Variants in ST8SIA6 observed in about 807,000 individuals in gnomAD.
ST8SIA6 encodes ST8 alpha-N-acetyl-neuraminide alpha-2,8-sialyltransferase 6.
A neutral mutation model predicts 33.6 loss-of-function variants in ST8SIA6; 39 were observed. The ratio of observed to expected loss-of-function variants is 1.16; its 90% CI spans 0.90 to 1.52. The LOEUF (loss-of-function observed/expected upper bound fraction) is 1.52, where lower values mean the gene tolerates loss of function less well. ST8SIA6 is among the 40% of genes most tolerant of loss of function. The probability of loss-of-function intolerance (pLI) is 0.00; values close to 1 mark genes in which losing one functional copy is unlikely to be tolerated. For synonymous variants in ST8SIA6, 172 were observed against 167.2 expected, an observed-to-expected ratio of 1.03 and a Z score of -0.22; for missense variants, 441 against 443.8, an observed-to-expected ratio of 0.99 and a Z score of 0.06.
At chr10:17,451,618 C>A (rs1852913605) in intron 2 of ST8SIA6, among the ~76,000 whole-genome samples, 1 of 152,136 alleles carries the variant, frequency 6.6e-6, no homozygotes, top group East Asian at 1.9e-4. Flanking sequence ...CAGTGTCTGG[C>A]CCATAAGAAG....
At chr10:17,438,454 T>C (rs977526421) in intron 2 of ST8SIA6, among the ~76,000 whole-genome samples, 2 of 151,990 alleles carry the variant, frequency 1.3e-5, no homozygotes, top group African/African-American at 4.8e-5. Flanking sequence ...TCAAAGAGTC[T>C]GTTTTTCTGA....
Position 17,321,323 on chromosome 10 carries a change from T to G in ST8SIA6, c.752A>C (p.Lys251Thr). 1 of 1,601,494 alleles carries G rather than the reference T, an allele frequency of 6.2e-7. No homozygotes were observed. The highest frequency in any genetic ancestry group is 1.7e-4 in the Middle Eastern group (1 of 5,972). ...TLKYGNLKEK[K>T]ALFLEDIATY... Reference sequence around the variant, plus strand: ...TGCAATGTCCTCCAGAAATAGGGCTTTTTTTTCCTTTAAGTTCCCATATCT... The same window carrying G: ...TGCAATGTCCTCCAGAAATAGGGCTGTTTTTTCCTTTAAGTTCCCATATCT... The change falls in exon 8 of 8, where the codon AAA becomes ACA. Residue 251 changes from lysine to threonine, a missense_variant. By Grantham distance (78) the Lys-to-Thr change is moderately conservative. Transcript: ENST00000377602.
Position 17,398,611 on chromosome 10 carries a change from T to A in ST8SIA6, c.201-7991A>T, listed in dbSNP as rs530935251. Among the ~76,000 whole-genome samples, 4 of 152,332 alleles carry A rather than the reference T, an allele frequency of 2.6e-5. No individual in the cohort carries two copies. In the East Asian group the frequency reaches 7.7e-4, roughly 29 times the overall value. ...CTATTTACAATGACTATACAGGGGC[T>A]AAAACTGGATTGTGAATTTAAATGT... On this transcript the variant is annotated intron_variant, in intron 2 of 7. Transcript: ENST00000377602.
chr10:17,357,981 C>T (rs541104355), intron 4 of ST8SIA6, among the ~76,000 whole-genome samples: 3 of 152,312 alleles, frequency 2.0e-5, no homozygotes, highest in African/African-American at 7.2e-5. Context: ...AATTTTCAAT[C>T]TCATCTTCCT....
intron 4 of ST8SIA6, among the ~76,000 whole-genome samples, chr10:17,347,718 G>A (rs907193528): frequency 6.6e-6 from 1 of 152,036 alleles, no homozygotes; most frequent in African/African-American, 2.4e-5. Flanking sequence ...GGTGGATCAC[G>A]AGGTCACGAG....
At position 17,320,833 on chromosome 10, in the gene ST8SIA6, C is replaced by T. The variant is rs746481107; in HGVS notation, c.*45G>A. On this transcript the variant is annotated 3_prime_UTR_variant, in exon 8 of 8. Coordinates refer to ENST00000377602, the MANE Select transcript of ST8SIA6 (RefSeq NM_001004470.3). ...TGGTGTTTGGAGACATTGTTAATCA[C>T]CTACTGCATTATATTAAAATTATTC... The T allele has an allele frequency of 6.3e-7, 1 of 1,580,524 alleles. No individual in the cohort carries two copies. Among genetic ancestry groups the T allele is most frequent in the Non-Finnish European group, 8.7e-7 (1 of 1,153,880 alleles).
chr10:17,327,003 TCAGGTCTTACCTAAAAACG>T lies in ST8SIA6; in HGVS notation c.627_635+10del, dbSNP rs1564401008. ...CTATTGTTTCAAAGAAACCAATTTG[TCAGGTCTTACCTAAAAACG>T]AAGTCGGATTTATCTATTTCAGTTC... On this transcript the variant is annotated splice_donor_variant and splice_donor_5th_base_variant and coding_sequence_variant and intron_variant, in exon 6 of 8. Transcript: ENST00000377602. LOFTEE classifies it high-confidence loss of function. 2 of 1,575,006 alleles carry T rather than the reference TCAGGTCTTACCTAAAAACG, an allele frequency of 1.3e-6. No homozygotes were observed. The highest frequency in any genetic ancestry group is 1.7e-6 in the Non-Finnish European group (2 of 1,158,586).
intron 2 of ST8SIA6, among the ~76,000 whole-genome samples, chr10:17,419,723 A>G (rs1364077624): frequency 6.6e-6 from 1 of 152,164 alleles, no homozygotes; most frequent in African/African-American, 2.4e-5. Context: ...TGCTCCAAAC[A>G]GTGAGCATCA....
chr10:17,326,887 G>A (rs533812821), intron 6 of ST8SIA6, 127 bp downstream of exon 6: 14 of 593,420 alleles, frequency 2.4e-5, no homozygotes, highest in South Asian at 1.4e-4. Context: ...AAACCTTCCC[G>A]GGTAATTTGT....
At chr10:17,378,795 G>A (rs1850006727) in intron 3 of ST8SIA6, among the ~76,000 whole-genome samples, 1 of 152,066 alleles carries the variant, frequency 6.6e-6, no homozygotes, top group Admixed American at 6.6e-5. Flanking sequence ...CAGGAATGAT[G>A]GCCTGCTCCA....
At chr10:17,425,617 GGAA>G (rs1851909236) in intron 2 of ST8SIA6, among the ~76,000 whole-genome samples, 1 of 136,360 alleles carries the variant, frequency 7.3e-6, no homozygotes, top group Non-Finnish European at 1.5e-5. Context: ...GAAAGAGAAA[GGAA>G]GAAAGAAAGA....
At chr10:17,432,331 T>A (rs898262824) in intron 2 of ST8SIA6, among the ~76,000 whole-genome samples, 1 of 152,164 alleles carries the variant, frequency 6.6e-6, no homozygotes, top group Non-Finnish European at 1.5e-5. Context: ...CTTAGTGTGC[T>A]GTTTTGAGAA....
Position 17,324,170 on chromosome 10 carries a change from C to G in ST8SIA6, c.636-1013G>C, listed in dbSNP as rs181676913. Among the ~76,000 whole-genome samples, 8 of 152,168 alleles carry G rather than the reference C, an allele frequency of 5.3e-5. No homozygotes were observed. The East Asian group carries it at 1.5e-3, about 29-fold the overall frequency. ...TTTCTAAATATCATTTACTGAATTTCAAGTAGTAAGGCTAAACATAAGAAG... is the reference window on the plus strand; with the variant it reads ...TTTCTAAATATCATTTACTGAATTTGAAGTAGTAAGGCTAAACATAAGAAG... On this transcript the variant is annotated intron_variant, in intron 6 of 7. Coordinates refer to ENST00000377602, the MANE Select transcript of ST8SIA6 (RefSeq NM_001004470.3).
At chr10:17,376,114 A>G (rs559437136) in intron 3 of ST8SIA6, among the ~76,000 whole-genome samples, 1 of 152,162 alleles carries the variant, frequency 6.6e-6, no homozygotes, top group Non-Finnish European at 1.5e-5. Context: ...ACATGTCTCT[A>G]ACATCTAGAA....
At chr10:17,372,788 A>G (rs1282044161) in intron 3 of ST8SIA6, among the ~76,000 whole-genome samples, 1 of 152,256 alleles carries the variant, frequency 6.6e-6, no homozygotes, top group Non-Finnish European at 1.5e-5. Context: ...ATTATTGCAC[A>G]GAACTCACAA....
chr10:17,432,927 C>G lies in ST8SIA6; in HGVS notation c.200+20632G>C, dbSNP rs1273261718. ...GTAACCAACCCAGCTGTTTCTGTAC[C>G]TCACTGCCAATTTCTATGTGTCACT... On this transcript the variant is annotated intron_variant, in intron 2 of 7. Coordinates refer to ENST00000377602, the MANE Select transcript of ST8SIA6 (RefSeq NM_001004470.3). 2.6e-5 allele frequency among the ~76,000 whole-genome samples: 4 copies of G among 152,184 alleles called. No individual in the cohort carries two copies. In the East Asian group the frequency reaches 7.7e-4, roughly 29 times the overall value.
chr10:17,410,809 A>G (rs1339570524), intron 2 of ST8SIA6, among the ~76,000 whole-genome samples: 1 of 152,244 alleles, frequency 6.6e-6, no homozygotes, highest in African/African-American at 2.4e-5. Context: ...TTAATTAACT[A>G]GAAAAACTCA....
chr10:17,382,739 C>A (rs1850196476), intron 3 of ST8SIA6, among the ~76,000 whole-genome samples: 1 of 152,100 alleles, frequency 6.6e-6, no homozygotes, highest in Non-Finnish European at 1.5e-5. Context: ...AGATACAGGG[C>A]AAGAAATTAA....
At chr10:17,333,713 A>ATTTTTTT (rs1564405114) in intron 4 of ST8SIA6, among the ~76,000 whole-genome samples, 5 of 25,686 alleles carry the variant, frequency 1.9e-4, no homozygotes, top group African/African-American at 6.7e-4. Context: ...ATATATATAT[A>ATTTTTTT]TATATTTTTT....
Sources: gnomAD v4.1 joint callset for allele counts (sites outside exome capture counted in the v4.1 genomes callset) on GRCh38, gnomAD v4.1.1 for gene constraint, MANE v1.5 for transcripts, NCBI Gene and HGNC (gene_info 2026-07-23, HGNC 2026-07-21) for gene names.